Variants in NIN observed in about 807,000 individuals in gnomAD.
The protein encoded by NIN is ninein, also known as glycogen synthase kinase 3 beta-interacting protein.
Under a neutral mutation model 257.6 loss-of-function variants are expected in NIN, and 137 were observed. That is an observed-to-expected ratio of 0.53 (90% CI 0.46 to 0.61). The LOEUF (loss-of-function observed/expected upper bound fraction) is 0.61. Among genes scored for constraint, NIN ranks in the 20% least tolerant of loss-of-function variants. The pLI, the probability that NIN is intolerant of heterozygous loss-of-function variation, is 0.00. For missense variants in NIN, 2,439 were observed against 2,501.2 expected (o/e 0.98, Z 0.53); for synonymous variants, 918 against 919.8 (o/e 1.00, Z 0.04).
intron 4 of NIN, among the ~76,000 whole-genome samples, chr14:50,799,171 C>A (rs541380599): frequency 1.1e-4 from 16 of 152,130 alleles, no homozygotes; most frequent in African/African-American, 3.6e-4. Flanking sequence ...TGGAATCAAA[C>A]GGACCTGGAC....
intron 28 of NIN, among the ~76,000 whole-genome samples, chr14:50,731,203 A>C (rs1267741843): frequency 6.6e-6 from 1 of 152,156 alleles, no homozygotes; most frequent in African/African-American, 2.4e-5. Context: ...ACTGTATCCT[A>C]TTTGTGCCCC....
chr14:50,793,070 G>A (rs2043671263), intron 4 of NIN, among the ~76,000 whole-genome samples, 189 bp from the exon 5 acceptor site: 1 of 152,104 alleles, frequency 6.6e-6, no homozygotes, highest in Non-Finnish European at 1.5e-5. Context: ...AATTCTGAAC[G>A]ATTTATGGGA....
intron 7 of NIN, among the ~76,000 whole-genome samples, chr14:50,775,129 T>C (rs2042872658): frequency 6.6e-6 from 1 of 152,102 alleles, no homozygotes; most frequent in South Asian, 2.1e-4. Context: ...GCATGTCCTC[T>C]CCAAAGGGGC....
Position 50,822,010 on chromosome 14 carries a change from A to G in NIN, c.47T>C (p.Leu16Pro), listed in dbSNP as rs1408321536. The G allele has an allele frequency of 6.2e-7, 1 of 1,614,006 alleles. No homozygotes were observed. Among genetic ancestry groups the G allele is most frequent in the Non-Finnish European group, 8.5e-7 (1 of 1,180,014 alleles). Reference protein sequence around the residue: ...QDQHEARLKELFDSFDTTGTG... With the variant: ...QDQHEARLKEPFDSFDTTGTG... ...GCCCGTCGTGTCAAAACTGTCAAAC[A>G]GCTCCTTGAGTCGGGCCTCATGCTG... is the stretch of plus-strand genomic sequence containing the variant. Residue 16 changes from leucine (L) to proline (P), a missense_variant, in exon 3 of 31, where the codon CTG (leucine) becomes CCG (proline). Physicochemically the swap from Leu to Pro is moderately conservative, Grantham distance 98. Around this residue, in one of 3 missense-constraint regions of NIN, gnomAD observed 387 missense variants for 427.3 expected, o/e 0.91. Transcript: ENST00000530997.
intron 9 of NIN, 41 bp downstream of exon 9, chr14:50,772,260 C>A: frequency 1.3e-6 from 2 of 1,539,120 alleles, no homozygotes; most frequent in South Asian, 1.2e-5. Context: ...ATTTTCAACC[C>A]TTCTCCAGTT....
At chr14:50,813,527 T>A (rs1376323580) in intron 3 of NIN, among the ~76,000 whole-genome samples, 3 of 152,244 alleles carry the variant, frequency 2.0e-5, no homozygotes, top group Non-Finnish European at 1.5e-5. Context: ...ACCTCATTAC[T>A]TTTCCTCTTC....
At chr14:50,800,019 C>T (rs1397290371) in intron 4 of NIN, among the ~76,000 whole-genome samples, 2 of 43,964 alleles carry the variant, frequency 4.5e-5, no homozygotes, top group Non-Finnish European at 1.1e-4. Flanking sequence ...CACACACACA[C>T]ACACACACAC....
At chr14:50,731,085 T>A (rs1314860444) in intron 28 of NIN, 4 of 434,950 alleles carry the variant, frequency 9.2e-6, no homozygotes, top group African/African-American at 8.3e-5. Context: ...ACTAATTAGG[T>A]CTATTATATA....
chr14:50,741,691 A>G lies in NIN; in HGVS notation c.5339T>C (p.Leu1780Pro). The G allele has an allele frequency of 6.2e-7, 1 of 1,614,098 alleles. No individual in the cohort carries two copies. The stretch of plus-strand genomic sequence containing the variant: ...GTCAGATTTCATCCGGGACATTTGC[A>G]GGTTTACATTCTGCACGGTGTCTTC... ...NLEDTVQNVN[L>P]QMSRMKSDLR... The change falls in exon 25 of 31, where the codon CTG becomes CCG. Residue 1780 changes from leucine to proline, a missense_variant. Physicochemically the swap from Leu to Pro is moderately conservative, Grantham distance 98. This residue lies in a region of NIN where 2,043 missense variants were observed against 2,050.2 expected (regional missense o/e 1.00). Coordinates refer to ENST00000530997, the MANE Select transcript of NIN (RefSeq NM_020921.4).
intron 23 of NIN, among the ~76,000 whole-genome samples, chr14:50,743,867 G>A (rs1003703304): frequency 2.0e-5 from 3 of 151,946 alleles, no homozygotes; most frequent in African/African-American, 7.3e-5. Context: ...AAGGCAGGTG[G>A]GGAAAAAAGG....
At chr14:50,737,385 A>G (rs1481424566) in intron 27 of NIN, among the ~76,000 whole-genome samples, 4 of 151,310 alleles carry the variant, frequency 2.6e-5, no homozygotes, top group East Asian at 3.9e-4. Context: ...CCTGGCCAAC[A>G]TGTAGACTGC....
intron 27 of NIN, 72 bp downstream of exon 27, chr14:50,738,068 T>C (rs2041085861): frequency 6.8e-7 from 1 of 1,476,310 alleles, no homozygotes; most frequent in Non-Finnish European, 9.3e-7. Flanking sequence ...GAAGTACACC[T>C]GAGAAGAAAC....
At position 50,824,630 on chromosome 14, in the gene NIN, G is replaced by A. The variant is rs115997093; in HGVS notation, c.-21-2553C>T. ...AAAGTTCTTTAATGGTAAGATCCAC[G>A]CTCCTATTTCTTTTATATCTTCCCC... On this transcript the variant is annotated intron_variant, in intron 2 of 30. Coordinates refer to ENST00000530997, the MANE Select transcript of NIN (RefSeq NM_020921.4). Among the ~76,000 whole-genome samples the A allele has an allele frequency of 7.8e-3, 1,184 of 152,154 alleles. 24 individuals are homozygous for A. Among genetic ancestry groups the A allele is most frequent in the African/African-American group, 0.028 (1,150 of 41,510 alleles).
rs552868067 is a variant in NIN, at chr14:50,829,653, G to A, written c.-22+811C>T. ...CCAGGAGAGGATCTGTCCTAGTTAG[G>A]AGCAGAAAGCAGATCTCATAATATC... is the stretch of plus-strand genomic sequence containing the variant. On this transcript the variant is annotated intron_variant, in intron 2 of 30. Coordinates refer to ENST00000530997, the MANE Select transcript of NIN (RefSeq NM_020921.4). Among the ~76,000 whole-genome samples, 20 of 152,344 alleles carry A rather than the reference G, an allele frequency of 1.3e-4. No homozygotes were observed. The South Asian group carries it at 3.7e-3, about 28-fold the overall frequency.
intron 4 of NIN, among the ~76,000 whole-genome samples, chr14:50,804,251 A>G (rs190710045): frequency 1.0e-3 from 156 of 152,276 alleles, no homozygotes; most frequent in Middle Eastern, 3.4e-3. Flanking sequence ...GAACTGCACG[A>G]TCCCCACGAA....
At chr14:50,741,450 T>C (rs984299251) in intron 25 of NIN, 132 bp downstream of exon 25, 4 of 722,850 alleles carry the variant, frequency 5.5e-6, no homozygotes, top group Middle Eastern at 3.0e-4. Context: ...GTGATGGTTA[T>C]ACAAACACAG....
In NIN at chr14:50,732,265, T is replaced by A. The variant is rs1029956922; in HGVS notation, c.5878-2542A>T. 2.0e-5 allele frequency among the ~76,000 whole-genome samples: 3 copies of A among 152,230 alleles called. No individual in the cohort carries two copies. In the East Asian group the frequency reaches 5.8e-4, roughly 29 times the overall value. On this transcript the variant is annotated intron_variant, in intron 28 of 30. Coordinates refer to ENST00000530997, the MANE Select transcript of NIN (RefSeq NM_020921.4). ...GACAGCTGTGCTCAAATCCCCTGAA[T>A]CCAGAGATTCTGATATAGAAACCTG...
At chr14:50,727,097 AT>A (rs1014869664) in intron 29 of NIN, 27 of 315,672 alleles carry the variant, frequency 8.6e-5, no homozygotes, top group East Asian at 5.0e-4. Flanking sequence ...TTAAAAAAAA[AT>A]AATAGCTTTT....
rs1030051757 is a variant in NIN, at chr14:50,738,024, C to T, written c.5775+116G>A. ...GACAAGATAACAGCATAAAGAGATA[C>T]ATGCCAAAATATGCCATCGTAATCA... On this transcript the variant is annotated intron_variant, in intron 27 of 30. Coordinates refer to ENST00000530997, the MANE Select transcript of NIN (RefSeq NM_020921.4). The T allele has an allele frequency of 5.0e-6, 5 of 1,007,726 alleles. No individual in the cohort carries two copies. The African/African-American group carries it at 8.1e-5, about 16-fold the overall frequency. The allele number at this position is 1,007,726 out of a possible 1,614,324, so 62.4% of individuals were successfully genotyped here. A position where few individuals can be genotyped will look rare whatever the true frequency, so the allele number is the denominator to read the frequency against.
Sources: gnomAD v4.1 joint callset for allele counts (sites outside exome capture counted in the v4.1 genomes callset) on GRCh38, gnomAD v4.1.1 for gene constraint, gnomAD v4.1.1 regional missense constraint, MANE v1.5 for transcripts, NCBI Gene and HGNC (gene_info 2026-07-23, HGNC 2026-07-21) for gene names.